Variants in ELMO1 observed in about 807,000 individuals in gnomAD.
ELMO1 encodes engulfment and cell motility protein 1.
In ELMO1, 26 loss-of-function variants were observed where a neutral mutation model predicts 98.9. The observed-to-expected ratio is 0.26, with a 90% confidence interval of 0.19 to 0.36. ELMO1 has a LOEUF of 0.36. Among genes scored for constraint, ELMO1 ranks in the 10% least tolerant of loss-of-function variants. The pLI is 1.00. For synonymous variants in ELMO1, 346 were observed against 346.0 expected (o/e 1.00, Z 0.00); for missense variants, 627 against 935.2 (o/e 0.67, Z 4.30).
At chr7:36,906,360 T>G (rs1385539434) in intron 16 of ELMO1, among the ~76,000 whole-genome samples, 1 of 152,262 alleles carries the variant, frequency 6.6e-6, no homozygotes, top group Non-Finnish European at 1.5e-5. Context: ...TGGCCCATTC[T>G]TTGTTGAGAA....
chr7:37,122,789 T>C (rs1233305985), intron 14 of ELMO1, among the ~76,000 whole-genome samples: 1 of 152,172 alleles, frequency 6.6e-6, no homozygotes, highest in African/African-American at 2.4e-5. Flanking sequence ...GCGGACCTAA[T>C]AGACATCTAC....
chr7:37,234,057 GA>G (rs1794324963), intron 7 of ELMO1, among the ~76,000 whole-genome samples: 1 of 152,102 alleles, frequency 6.6e-6, no homozygotes, highest in Non-Finnish European at 1.5e-5. Flanking sequence ...TAGATACACA[GA>G]ATCTTTCATA....
At chr7:37,387,849 T>C (rs543485241) in intron 1 of ELMO1, among the ~76,000 whole-genome samples, 1 of 152,330 alleles carries the variant, frequency 6.6e-6, no homozygotes, top group South Asian at 2.1e-4. Context: ...TATTTTACTT[T>C]GAGACAGGCC....
chr7:37,373,650 T>A (rs1266823536), intron 1 of ELMO1, among the ~76,000 whole-genome samples: 1 of 152,176 alleles, frequency 6.6e-6, no homozygotes, highest in Non-Finnish European at 1.5e-5. Context: ...TATGGTGCTA[T>A]TTTAATTTTT....
At chr7:37,047,014 C>T (rs188848024) in intron 15 of ELMO1, among the ~76,000 whole-genome samples, 1 of 152,304 alleles carries the variant, frequency 6.6e-6, no homozygotes, top group African/African-American at 2.4e-5. Context: ...TTTAGGATCA[C>T]AATTTTCCAA....
chr7:37,166,735 G>C (rs373922475), intron 13 of ELMO1, among the ~76,000 whole-genome samples: 2 of 152,256 alleles, frequency 1.3e-5, no homozygotes, highest in East Asian at 3.9e-4. Flanking sequence ...TTTTACATTT[G>C]ATGAGGAGAG....
At chr7:37,431,297 A>G (rs541449852) in intron 1 of ELMO1, among the ~76,000 whole-genome samples, 2 of 152,248 alleles carry the variant, frequency 1.3e-5, no homozygotes, top group African/African-American at 4.8e-5. Context: ...TGACTATGCC[A>G]CTGTACTCCA....
At chr7:37,005,578 G>C (rs908045469) in intron 16 of ELMO1, among the ~76,000 whole-genome samples, 1 of 151,306 alleles carries the variant, frequency 6.6e-6, no homozygotes, top group African/African-American at 2.4e-5. Flanking sequence ...TGTAATCTCA[G>C]CTATTTGGGA....
intron 8 of ELMO1, among the ~76,000 whole-genome samples, chr7:37,232,152 T>TA (rs1794212585): frequency 6.6e-6 from 1 of 152,200 alleles, no homozygotes; most frequent in Non-Finnish European, 1.5e-5. Flanking sequence ...AGTCTACCAT[T>TA]AGTTTAAAAT....
At chr7:37,080,832 T>A (rs551465448) in intron 15 of ELMO1, among the ~76,000 whole-genome samples, 5 of 152,132 alleles carry the variant, frequency 3.3e-5, no homozygotes, top group Non-Finnish European at 7.4e-5. Context: ...TACTTTCTCA[T>A]GGCAAACACT....
rs190713082 is a variant in ELMO1, at chr7:37,170,487, T to C, written c.1087-37253A>G. Among the ~76,000 whole-genome samples, 62 of 152,372 alleles carry C rather than the reference T, an allele frequency of 4.1e-4. 1 individual carries two copies. Among genetic ancestry groups the C allele is most frequent in the African/African-American group, 1.4e-3 (57 of 41,592 alleles). The stretch of plus-strand genomic sequence containing the variant: ...ATTTCCAGCCCAGCAACAGTCAGAA[T>C]TGTGTTAACATGACAAAATTGCAGT... On this transcript the variant is annotated intron_variant, in intron 13 of 21. Coordinates refer to ENST00000310758, the MANE Select transcript of ELMO1 (RefSeq NM_014800.11).
intron 16 of ELMO1, among the ~76,000 whole-genome samples, chr7:36,965,162 G>A (rs1016157438): frequency 6.6e-6 from 1 of 151,994 alleles, no homozygotes; most frequent in Admixed American, 6.5e-5. Flanking sequence ...TTCCCCATGA[G>A]TTCTCTCCCT....
intron 20 of ELMO1, among the ~76,000 whole-genome samples, chr7:36,865,065 C>T (rs567759157): frequency 2.6e-5 from 4 of 152,332 alleles, no homozygotes; most frequent in Non-Finnish European, 4.4e-5. Flanking sequence ...GGACTGCCAT[C>T]TTCCATGGGT....
chr7:37,037,816 C>T (rs961808980), intron 15 of ELMO1, among the ~76,000 whole-genome samples: 1 of 152,116 alleles, frequency 6.6e-6, no homozygotes, highest in Non-Finnish European at 1.5e-5. Flanking sequence ...CACACAGACA[C>T]GTGAATGTAT....
chr7:37,041,047 T>A (rs1795477733), intron 15 of ELMO1, among the ~76,000 whole-genome samples: 1 of 152,078 alleles, frequency 6.6e-6, no homozygotes, highest in Admixed American at 6.5e-5. Context: ...GCCACTGCAC[T>A]CCAGCCTGGG....
chr7:37,117,500 T>C (rs1334065721), intron 14 of ELMO1, among the ~76,000 whole-genome samples: 1 of 152,172 alleles, frequency 6.6e-6, no homozygotes. Context: ...TTAACAATGA[T>C]CTCATCCTCA....
At chr7:37,316,918 G>C (rs1404467663) in intron 2 of ELMO1, among the ~76,000 whole-genome samples, 1 of 6,780 alleles carries the variant, frequency 1.5e-4, no homozygotes, top group Non-Finnish European at 2.5e-4. Flanking sequence ...GAATCCAATA[G>C]ATCAGTTCAA....
At chr7:37,225,120 A>C in intron 8 of ELMO1, 90 bp from the exon 9 acceptor site, 8 of 1,514,704 alleles carry the variant, frequency 5.3e-6, no homozygotes, top group South Asian at 2.4e-5. Context: ...TCGGGAACTC[A>C]TTTAAGAAAC....
chr7:37,220,872 C>A (rs1319458981), intron 10 of ELMO1, among the ~76,000 whole-genome samples: 2 of 152,124 alleles, frequency 1.3e-5, no homozygotes, highest in Admixed American at 6.6e-5. Flanking sequence ...CCTGACCCCA[C>A]ACGCTACACT....
Sources: allele counts gnomAD v4.1 joint callset (sites outside exome capture counted in the v4.1 genomes callset), GRCh38; gene constraint gnomAD v4.1.1; transcripts MANE v1.5; gene names NCBI Gene and HGNC (gene_info 2026-07-23, HGNC 2026-07-21).